LRP1B: variants seen among roughly 807,000 people sequenced by gnomAD.
LRP1B encodes the protein LDL receptor related protein 1B.
In LRP1B, 217 loss-of-function variants were observed where a neutral mutation model predicts 556.6. The observed-to-expected ratio is 0.39, with a 90% confidence interval of 0.35 to 0.44. The LOEUF is 0.44. Among genes scored for constraint, LRP1B ranks in the 20% least tolerant of loss-of-function variants. LRP1B has a pLI of 1.00. For missense variants in LRP1B, 5,053 were observed against 5,620.8 expected (o/e 0.90, Z 3.23); for synonymous variants, 2,047 against 1,865.8 (o/e 1.10, Z -2.50).
chr2:141,223,938 A>AAATCC (rs1470896160), intron 6 of LRP1B, among the ~76,000 whole-genome samples: 1 of 152,216 alleles, frequency 6.6e-6, no homozygotes, highest in Non-Finnish European at 1.5e-5. Context: ...CCCTGGAAGA[A>AAATCC]AATCCAGATA....
intron 1 of LRP1B, among the ~76,000 whole-genome samples, chr2:142,120,761 C>G (rs977039392): frequency 7.2e-5 from 11 of 152,100 alleles, no homozygotes; most frequent in African/African-American, 2.4e-4. Flanking sequence ...AACTAATTCC[C>G]TAAAGAATAC....
intron 65 of LRP1B, 55 bp from the exon 66 acceptor site, chr2:140,442,678 A>C: frequency 6.4e-7 from 1 of 1,564,662 alleles, no homozygotes; most frequent in Non-Finnish European, 8.7e-7. Context: ...TTTATTTATT[A>C]AAAGCAAATT....
At chr2:140,543,797 T>C (rs1680224099) in intron 43 of LRP1B, among the ~76,000 whole-genome samples, 1 of 151,978 alleles carries the variant, frequency 6.6e-6, no homozygotes, top group Admixed American at 6.6e-5. Flanking sequence ...CTACAACAAA[T>C]GCTGCTAGAA....
intron 2 of LRP1B, among the ~76,000 whole-genome samples, chr2:141,792,991 C>T (rs1002005988): frequency 6.6e-6 from 1 of 151,890 alleles, no homozygotes; most frequent in Non-Finnish European, 1.5e-5. Flanking sequence ...ATTTACTTGT[C>T]TACCATTTTA....
At chr2:141,135,002 T>C (rs1013895256) in intron 7 of LRP1B, among the ~76,000 whole-genome samples, 2 of 151,808 alleles carry the variant, frequency 1.3e-5, no homozygotes, top group Non-Finnish European at 2.9e-5. Context: ...GTATTGTCAC[T>C]ACATGCATTC....
At chr2:141,305,969 T>C (rs1686571645) in intron 3 of LRP1B, among the ~76,000 whole-genome samples, 1 of 152,250 alleles carries the variant, frequency 6.6e-6, no homozygotes, top group African/African-American at 2.4e-5. Flanking sequence ...ATCTTTTTGA[T>C]ATACTTTTGA....
At chr2:140,700,173 C>T (rs908178408) in intron 41 of LRP1B, 77 bp downstream of exon 41, 1 of 1,269,606 alleles carries the variant, frequency 7.9e-7, no homozygotes, top group Non-Finnish European at 1.1e-6. Flanking sequence ...TTGCTACATG[C>T]AATTACCACT....
At chr2:140,342,218 A>G (rs916423781) in intron 77 of LRP1B, among the ~76,000 whole-genome samples, 7 of 151,332 alleles carry the variant, frequency 4.6e-5, no homozygotes, top group African/African-American at 1.5e-4. Context: ...ATACATACTC[A>G]CATTTCCTGT....
chr2:140,534,129 A>G lies in LRP1B; in HGVS notation c.7654T>C (p.Cys2552Arg). 1 of 1,611,986 alleles carries G rather than the reference A, an allele frequency of 6.2e-7. No individual in the cohort carries two copies. Among genetic ancestry groups the G allele is most frequent in the Non-Finnish European group, 8.5e-7 (1 of 1,178,986 alleles). The change falls in exon 47 of 91, where the codon TGT becomes CGT. Residue 2552 changes from cysteine to arginine, a missense_variant. Cys to Arg is a radical substitution (Grantham distance 180). This residue lies in a region of LRP1B where 3,619 missense variants were observed against 3,931.9 expected (regional missense o/e 0.92). Transcript: ENST00000389484. ...TAGCATGGCTTGAAGCCTCTTCGACAGCTTCTGTTTTCTTATAAATAAAAG... is the reference window on the plus strand; with the variant it reads ...TAGCATGGCTTGAAGCCTCTTCGACGGCTTCTGTTTTCTTATAAATAAAAG... ...EKLLYCENRS[C>R]RRGFKPCYNR...
intron 49 of LRP1B, among the ~76,000 whole-genome samples, chr2:140,518,915 C>T (rs1318640906): frequency 6.6e-6 from 1 of 152,018 alleles, no homozygotes; most frequent in Non-Finnish European, 1.5e-5. Context: ...AATTTCTTTC[C>T]TTTATTTCTT....
chr2:141,691,006 A>G (rs1003210694), intron 2 of LRP1B, among the ~76,000 whole-genome samples: 2 of 151,860 alleles, frequency 1.3e-5, no homozygotes, highest in Non-Finnish European at 2.9e-5. Context: ...GGGGAAGCCA[A>G]CAATTTATTG....
At chr2:141,410,335 C>A (rs2104941709) in intron 3 of LRP1B, among the ~76,000 whole-genome samples, 1 of 151,962 alleles carries the variant, frequency 6.6e-6, no homozygotes, top group East Asian at 1.9e-4. Context: ...AACAAAACCA[C>A]CAAAGTATTC....
intron 7 of LRP1B, among the ~76,000 whole-genome samples, chr2:141,187,965 T>A (rs556553849): frequency 1.3e-5 from 2 of 152,170 alleles, no homozygotes; most frequent in African/African-American, 2.4e-5. Context: ...AATGTTTTAC[T>A]AGTATCTGGG....
chr2:140,655,570 G>C (rs1684848725), intron 41 of LRP1B, among the ~76,000 whole-genome samples: 1 of 152,166 alleles, frequency 6.6e-6, no homozygotes, highest in Non-Finnish European at 1.5e-5. Context: ...AGAATGTAGA[G>C]ACTGAATTGT....
At chr2:140,748,780 A>ATATGATATG (rs1688452142) in intron 35 of LRP1B, among the ~76,000 whole-genome samples, 1 of 50,978 alleles carries the variant, frequency 2.0e-5, no homozygotes, top group African/African-American at 5.7e-5. Context: ...TATAATATGT[A>ATATGATATG]TATAATATAT....
chr2:142,058,482 G>T (rs1449848120), intron 1 of LRP1B, among the ~76,000 whole-genome samples: 1 of 152,136 alleles, frequency 6.6e-6, no homozygotes, highest in Non-Finnish European at 1.5e-5. Context: ...CTGCATGTGG[G>T]CCAGGATGGC....
chr2:141,854,570 G>T (rs1002207646), intron 1 of LRP1B, among the ~76,000 whole-genome samples: 1 of 151,992 alleles, frequency 6.6e-6, no homozygotes, highest in African/African-American at 2.4e-5. Context: ...AGTTGAATTT[G>T]TAGGAACTAT....
chr2:141,617,635 T>C (rs1333117959), intron 2 of LRP1B, among the ~76,000 whole-genome samples: 1 of 152,170 alleles, frequency 6.6e-6, no homozygotes, highest in Non-Finnish European at 1.5e-5. Context: ...TAATACAAAA[T>C]GAGTTATCCA....
intron 3 of LRP1B, among the ~76,000 whole-genome samples, chr2:141,425,931 C>A (rs1680345168): frequency 1.3e-5 from 2 of 149,616 alleles, no homozygotes; most frequent in African/African-American, 2.4e-5. Context: ...TTAATTAGAT[C>A]CCATTTGTCA....
Sources: gnomAD v4.1 joint callset for allele counts (sites outside exome capture counted in the v4.1 genomes callset) on GRCh38, gnomAD v4.1.1 for gene constraint, gnomAD v4.1.1 regional missense constraint, MANE v1.5 for transcripts, NCBI Gene and HGNC (gene_info 2026-07-23, HGNC 2026-07-21) for gene names.